The following RAPGEF4 variants were observed in gnomAD, a reference collection of about 807,000 sequenced individuals.
RAPGEF4 encodes Rap guanine nucleotide exchange factor 4, also known as RAP guanine-nucleotide-exchange factor (GEF) 4.
Under a neutral mutation model 147.9 loss-of-function variants are expected in RAPGEF4, and 66 were observed. That is an observed-to-expected ratio of 0.45 (90% CI 0.37 to 0.55). The LOEUF is 0.55. Ranked by LOEUF, RAPGEF4 falls within the 20% of genes least tolerant of loss-of-function variation. The pLI, the probability that RAPGEF4 is intolerant of heterozygous loss-of-function variation, is 0.00. For synonymous variants in RAPGEF4, 419 were observed against 442.7 expected, an observed-to-expected ratio of 0.95 and a Z score of 0.67; for missense variants, 1,071 against 1,257.3, an observed-to-expected ratio of 0.85 and a Z score of 2.24.
At chr2:172,899,207 T>G (rs111783263) in intron 4 of RAPGEF4, among the ~76,000 whole-genome samples, 306 of 152,310 alleles carry the variant, frequency 2.0e-3, no homozygotes, top group African/African-American at 7.0e-3. Flanking sequence ...GTAAAAAGGT[T>G]GGTTGGTAGA....
chr2:172,992,204 A>T (rs1559169164), intron 15 of RAPGEF4, among the ~76,000 whole-genome samples: 2 of 152,256 alleles, frequency 1.3e-5, no homozygotes, highest in Admixed American at 6.5e-5. Context: ...ATGTAAAAAA[A>T]CTACCTGTCA....
chr2:173,004,574 A>G (rs954720908), intron 17 of RAPGEF4, among the ~76,000 whole-genome samples: 1 of 151,986 alleles, frequency 6.6e-6, no homozygotes. Context: ...AATTTTGTAT[A>G]CCTTTTAATT....
intron 1 of RAPGEF4, among the ~76,000 whole-genome samples, chr2:172,771,996 G>A (rs1009818592): frequency 3.9e-5 from 6 of 152,278 alleles, no homozygotes; most frequent in East Asian, 1.9e-4. Flanking sequence ...CCAACACTTC[G>A]GGAGGCTGAG....
chr2:173,036,908 G>A, intron 29 of RAPGEF4: 1 of 425,490 alleles, frequency 2.4e-6, no homozygotes, highest in Non-Finnish European at 4.2e-6. Context: ...GTTCACAGCA[G>A]CAGCTGGCTT....
intron 6 of RAPGEF4, among the ~76,000 whole-genome samples, chr2:172,936,322 G>A (rs1236408469): frequency 3.3e-5 from 5 of 152,120 alleles, no homozygotes; most frequent in African/African-American, 9.7e-5. Flanking sequence ...AGCTGAGATT[G>A]AGCCACTGTA....
intron 4 of RAPGEF4, among the ~76,000 whole-genome samples, chr2:172,914,155 C>T (rs558650184): frequency 2.6e-4 from 39 of 152,106 alleles, no homozygotes; most frequent in African/African-American, 9.4e-4. Context: ...CAGAAAATAA[C>T]CCAGTGTCCT....
At chr2:172,969,354 G>A (rs1690216213) in intron 10 of RAPGEF4, among the ~76,000 whole-genome samples, 1 of 152,352 alleles carries the variant, frequency 6.6e-6, no homozygotes, top group African/African-American at 2.4e-5. Flanking sequence ...ACTTATGCAA[G>A]CAATCATTTA....
intron 4 of RAPGEF4, among the ~76,000 whole-genome samples, chr2:172,847,646 G>C (rs957527800): frequency 7.9e-5 from 12 of 152,182 alleles, no homozygotes; most frequent in Non-Finnish European, 1.5e-4. Flanking sequence ...TTCTTTGAGG[G>C]CTTTATTGGT....
chr2:172,857,312 A>G (rs573229200), intron 4 of RAPGEF4, among the ~76,000 whole-genome samples: 1 of 152,190 alleles, frequency 6.6e-6, no homozygotes, highest in Admixed American at 6.5e-5. Flanking sequence ...GGAGCTTTTA[A>G]TGGTGTGAAT....
At position 173,001,255 on chromosome 2, in the gene RAPGEF4, TC is replaced by T. The variant is rs397767155; in HGVS notation, c.1580-7del. 1 of 1,613,482 alleles carries T rather than the reference TC, an allele frequency of 6.2e-7. No individual in the cohort carries two copies. The highest frequency in any genetic ancestry group is 1.3e-5 in the African/African-American group (1 of 74,950). ...AACCTAATTTCCTTTTCTGTTTTTT[TC>T]CCCTTCCAGATTCTGTTTTAAATGA... On this transcript the variant is annotated splice_polypyrimidine_tract_variant and intron_variant, in intron 16 of 30. Coordinates refer to ENST00000397081, the MANE Select transcript of RAPGEF4 (RefSeq NM_007023.4).
At chr2:172,988,077 T>A (rs1040214567) in intron 12 of RAPGEF4, 119 bp from the exon 13 acceptor site, 1 of 1,362,972 alleles carries the variant, frequency 7.3e-7, no homozygotes, top group East Asian at 2.8e-5. Flanking sequence ...GCCAGTGATG[T>A]TTCTCGAATT....
intron 4 of RAPGEF4, 69 bp downstream of exon 4, chr2:172,814,494 TG>T: frequency 6.5e-7 from 1 of 1,527,822 alleles, no homozygotes; most frequent in Non-Finnish European, 9.1e-7. Flanking sequence ...ACATGGATAA[TG>T]GCATTACAGT....
At chr2:172,956,185 G>A (rs1001260427) in intron 6 of RAPGEF4, among the ~76,000 whole-genome samples, 1 of 152,090 alleles carries the variant, frequency 6.6e-6, no homozygotes. Flanking sequence ...CAGGACACCT[G>A]GCTCAGGCCC....
In RAPGEF4 at chr2:173,007,621, T is replaced by C. The variant is rs138506388; in HGVS notation, c.1658+6277T>C. Among the ~76,000 whole-genome samples the C allele has an allele frequency of 2.8e-4, 43 of 152,366 alleles. 1 individual carries two copies. In the East Asian group the frequency reaches 4.6e-3, roughly 16 times the overall value. Reference sequence around the variant, plus strand: ...CATTTCATCCTTGACAGCAATCTTATGAAGTTTACTGATGAGGAAACCAAG... The same window carrying C: ...CATTTCATCCTTGACAGCAATCTTACGAAGTTTACTGATGAGGAAACCAAG... On this transcript the variant is annotated intron_variant, in intron 17 of 30. Transcript: ENST00000397081.
chr2:172,941,132 A>G (rs1687103078), intron 6 of RAPGEF4, among the ~76,000 whole-genome samples: 1 of 152,118 alleles, frequency 6.6e-6, no homozygotes, highest in Non-Finnish European at 1.5e-5. Context: ...TACGTAGACA[A>G]TCATGTCATC....
intron 6 of RAPGEF4, among the ~76,000 whole-genome samples, chr2:172,944,786 A>T (rs1330190744): frequency 1.3e-5 from 2 of 152,186 alleles, no homozygotes; most frequent in East Asian, 3.9e-4. Flanking sequence ...AAAAAAAATT[A>T]TGTCCACAGT....
chr2:173,034,340 G>A (rs1321414824), intron 27 of RAPGEF4, among the ~76,000 whole-genome samples: 1 of 152,152 alleles, frequency 6.6e-6, no homozygotes, highest in Non-Finnish European at 1.5e-5. Flanking sequence ...CGCCGGGAGT[G>A]ATGGGCAGGT....
At chr2:172,967,102 C>G (rs777288159) in intron 9 of RAPGEF4, 159 bp from the exon 10 acceptor site, 43 of 670,870 alleles carry the variant, frequency 6.4e-5, no homozygotes, top group Middle Eastern at 8.3e-4. Context: ...TCATGTCTTC[C>G]AGCTGCACAG....
chr2:172,961,761 C>A (rs1045521402), intron 8 of RAPGEF4, among the ~76,000 whole-genome samples: 2 of 152,194 alleles, frequency 1.3e-5, no homozygotes, highest in African/African-American at 4.8e-5. Flanking sequence ...ATTCAGTGAT[C>A]ATTTCATTCA....
Sources: allele counts gnomAD v4.1 joint callset (sites outside exome capture counted in the v4.1 genomes callset), GRCh38; gene constraint gnomAD v4.1.1; transcripts MANE v1.5; gene names NCBI Gene and HGNC (gene_info 2026-07-23, HGNC 2026-07-21).